The following BRD8 variants were observed in gnomAD, a reference collection of about 807,000 sequenced individuals.
BRD8 encodes bromodomain-containing protein 8.
A neutral mutation model predicts 143.1 loss-of-function variants in BRD8; 67 were observed. The observed-to-expected ratio is 0.47, with a 90% CI of 0.38 to 0.57. The LOEUF is 0.57. BRD8 is among the 20% of genes least tolerant of loss of function. The pLI is 0.00. For missense variants in BRD8, 1,103 were observed against 1,503.0 expected, an observed-to-expected ratio of 0.73 and a Z score of 4.40; for synonymous variants, 505 against 517.1, an observed-to-expected ratio of 0.98 and a Z score of 0.32.
chr5:138,152,062 G>A lies in BRD8; in HGVS notation c.2856+420C>T, dbSNP rs57015166. Among the ~76,000 whole-genome samples the A allele has an allele frequency of 1.4e-3, 213 of 152,028 alleles. 3 individuals are homozygous for A. The East Asian group carries it at 0.037, about 26-fold the overall frequency. On this transcript the variant is annotated intron_variant, in intron 21 of 26. Transcript: ENST00000254900. Reference sequence around the variant, plus strand: ...GTAGAGATGGGGTTTCACCATGTTGGCCAGGCTGGTCTTGAACTCCTGACC... The same window carrying A: ...GTAGAGATGGGGTTTCACCATGTTGACCAGGCTGGTCTTGAACTCCTGACC...
rs778513348 is a variant in BRD8 at position 138,177,671 on chromosome 5, G to C, written c.20-4C>G. 13 of 1,405,924 alleles carry C rather than the reference G, an allele frequency of 9.2e-6. No individual in the cohort carries two copies. The highest frequency in any genetic ancestry group is 9.5e-6 in the Non-Finnish European group (10 of 1,053,986). The allele number at this position is 1,405,924 out of a possible 1,614,324, so 87.1% of individuals were successfully genotyped here. ...CCAGTGCTTAGCAGCTTGTGTTCTG[G>C]GAAAGGGAGAAAAAAAAAAAAGCCT... is the stretch of plus-strand genomic sequence containing the variant. On this transcript the variant is annotated splice_polypyrimidine_tract_variant and splice_region_variant and intron_variant, in intron 1 of 26. Transcript: ENST00000254900.
chr5:138,145,382 C>G, intron 24 of BRD8, 137 bp from the exon 25 acceptor site: 1 of 675,308 alleles, frequency 1.5e-6, no homozygotes, highest in Non-Finnish European at 2.5e-6. Context: ...TCTATTTGTT[C>G]CCTCTTGCCA....
At chr5:138,162,231 AC>A in intron 15 of BRD8, 85 bp from the exon 16 acceptor site, 1 of 1,087,800 alleles carries the variant, frequency 9.2e-7, no homozygotes, top group East Asian at 2.5e-5. Flanking sequence ...ACAGGGTCTC[AC>A]TCTGTCCCCC....
chr5:138,174,491 G>C lies in BRD8; in HGVS notation c.117-2357C>G, dbSNP rs1581462979. Among the ~76,000 whole-genome samples the C allele has an allele frequency of 2.6e-5, 4 of 151,968 alleles. 1 individual carries two copies. In the South Asian group the frequency reaches 6.2e-4, roughly 24 times the overall value. The stretch of plus-strand genomic sequence containing the variant: ...AAGGCCTGTAGTCCCAGCTACACGG[G>C]AGGCTGAGGTGGGAGAATCACTTGA... On this transcript the variant is annotated intron_variant, in intron 2 of 26. Coordinates refer to ENST00000254900, the MANE Select transcript of BRD8 (RefSeq NM_139199.2).
In BRD8 at chr5:138,168,559, T is replaced by A. The variant is rs763647795; in HGVS notation, c.643-481A>T. 3.1e-6 allele frequency: 5 copies of A among 1,609,892 alleles called. No individual in the cohort carries two copies. The South Asian group carries it at 5.5e-5, about 18-fold the overall frequency. On this transcript the variant is annotated intron_variant, in intron 8 of 26. Transcript: ENST00000254900. ...GGTGGAGTTGCTTTCTGTCCAAGCATCTTTTTCTGGGGTGAATCATCTGTT... is the reference window on the plus strand; with the variant it reads ...GGTGGAGTTGCTTTCTGTCCAAGCAACTTTTTCTGGGGTGAATCATCTGTT...
chr5:138,152,444 A>T lies in BRD8; in HGVS notation c.2856+38T>A, dbSNP rs111670295. 2.5e-6 allele frequency: 4 copies of T among 1,605,548 alleles called. No homozygotes were observed. The African/African-American group carries it at 5.4e-5, about 22-fold the overall frequency. Reference sequence around the variant, plus strand: ...GGATAAGCATTCTCTTAGAAAGTTGAGGCTTTTCCAGCTTTGGAAATAAGA... The same window carrying T: ...GGATAAGCATTCTCTTAGAAAGTTGTGGCTTTTCCAGCTTTGGAAATAAGA... On this transcript the variant is annotated intron_variant, in intron 21 of 26. Transcript: ENST00000254900.
At chr5:138,168,490 G>A (rs1753618009) in intron 8 of BRD8, 1 of 1,605,216 alleles carries the variant, frequency 6.2e-7, no homozygotes, top group Non-Finnish European at 8.5e-7. Flanking sequence ...CTAGTAGGCA[G>A]GAGGCTGCCC....
chr5:138,159,811 C>T (rs972055953), intron 19 of BRD8, among the ~76,000 whole-genome samples: 4 of 152,228 alleles, frequency 2.6e-5, no homozygotes, highest in African/African-American at 9.7e-5. Flanking sequence ...AAGCCATTTC[C>T]CCCGCCTTGA....
intron 25 of BRD8, 65 bp from the exon 26 acceptor site, chr5:138,140,947 A>G (rs1751879846): frequency 6.5e-7 from 1 of 1,538,374 alleles, no homozygotes; most frequent in Non-Finnish European, 8.9e-7. Context: ...ATAACCTAAC[A>G]CGTTCTCTTG....
At position 138,150,811 on chromosome 5, in the gene BRD8, C is replaced by T. The variant is rs144319643; in HGVS notation, c.3054G>A (p.Lys1018=). Residue 1018 remains lysine (K), a synonymous_variant, in exon 22 of 27, where the codon AAG becomes AAA. Transcript: ENST00000254900. ...CTGAGGGAGCTGAAGCCACCTCTGGCTTTCCATTTTCTCCCAGTGGCTTTT... is the reference window on the plus strand; with the variant it reads ...CTGAGGGAGCTGAAGCCACCTCTGGTTTTCCATTTTCTCCCAGTGGCTTTT... The part of the protein sequence containing the change: ...VAEKPLGENG[K]PEVASAPSVI... 1 of 1,614,110 alleles carries T rather than the reference C, an allele frequency of 6.2e-7. No homozygotes were observed. The highest frequency in any genetic ancestry group is 1.3e-5 in the African/African-American group (1 of 74,938).
chr5:138,162,931 G>A (rs1252586737), intron 15 of BRD8, among the ~76,000 whole-genome samples, 199 bp downstream of exon 15: 1 of 151,994 alleles, frequency 6.6e-6, no homozygotes, highest in Non-Finnish European at 1.5e-5. Flanking sequence ...GGCCTGAGAA[G>A]TGGAGGTTGC....
At position 138,166,506 on chromosome 5, in the gene BRD8, T is replaced by A. The variant is rs1324382941; in HGVS notation, c.997+12A>T. 6.3e-7 allele frequency: 1 copy of A among 1,578,106 alleles called. No individual in the cohort carries two copies. The highest frequency in any genetic ancestry group is 1.4e-5 in the African/African-American group (1 of 73,552). On this transcript the variant is annotated intron_variant, in intron 10 of 26. Coordinates refer to ENST00000254900, the MANE Select transcript of BRD8 (RefSeq NM_139199.2). Reference sequence around the variant, plus strand: ...ATGAAATTTTAGATCTAGTGGCTGCTCAGGGACGCACCTGGAGCTACACTT... The same window carrying A: ...ATGAAATTTTAGATCTAGTGGCTGCACAGGGACGCACCTGGAGCTACACTT...
At position 138,164,355 on chromosome 5, in the gene BRD8, A is replaced by G. The variant is rs2151202147; in HGVS notation, c.1790T>C (p.Leu597Ser). 3 of 1,614,100 alleles carry G rather than the reference A, an allele frequency of 1.9e-6. No homozygotes were observed. Among genetic ancestry groups the G allele is most frequent in the Non-Finnish European group, 2.5e-6 (3 of 1,179,980 alleles). Reference sequence around the variant, plus strand: ...AAACTTGTGCTGAGTCTCTGCCTCTAAAGGATCTTCAATGGGATTTGAGCC... The same window carrying G: ...AAACTTGTGCTGAGTCTCTGCCTCTGAAGGATCTTCAATGGGATTTGAGCC... ...SHGSNPIEDP[L>S]EAETQHKFEM... The change falls in exon 13 of 27, where the codon TTA becomes TCA. Residue 597 changes from leucine (L) to serine (S), a missense_variant. By Grantham distance (145) the Leu-to-Ser change is moderately radical. Transcript: ENST00000254900.
chr5:138,157,839 T>C (rs17171767), intron 20 of BRD8: 52,217 of 152,510 alleles, frequency 0.34, 9,156 homozygotes, highest in South Asian at 0.43. Context: ...TAAAAGATCC[T>C]ATTAACCAGC....
At chr5:138,166,834 T>C (rs188559108) in intron 9 of BRD8, 107 bp from the exon 10 acceptor site, 146 of 712,480 alleles carry the variant, frequency 2.0e-4, no homozygotes, top group Admixed American at 8.8e-4. Context: ...TCTCAAAGGA[T>C]GAGAGCAACT....
intron 2 of BRD8, among the ~76,000 whole-genome samples, chr5:138,175,695 A>AT (rs1554103906): frequency 1.9e-4 from 17 of 90,554 alleles, no homozygotes; most frequent in Non-Finnish European, 2.5e-4. Context: ...AAATATTTAA[A>AT]TTAAAAAAAA....
intron 3 of BRD8, 116 bp downstream of exon 3, chr5:138,171,949 C>T: frequency 7.5e-6 from 6 of 804,006 alleles, no homozygotes; most frequent in Non-Finnish European, 1.3e-5. Context: ...AAGGTATTCT[C>T]AACTATTTTC....
At chr5:138,157,349 G>A in intron 20 of BRD8, 1 of 1,566,670 alleles carries the variant, frequency 6.4e-7, no homozygotes, top group East Asian at 2.2e-5. Flanking sequence ...TGGGGATTTG[G>A]TTTCTTGGGG....
Position 138,164,203 on chromosome 5 carries a change from C to T in BRD8, c.1826-70G>A, listed in dbSNP as rs1020679870. On this transcript the variant is annotated intron_variant, in intron 13 of 26. Coordinates refer to ENST00000254900, the MANE Select transcript of BRD8 (RefSeq NM_139199.2). The stretch of plus-strand genomic sequence containing the variant: ...CTTCCCCTTCCTATGGACCATAATC[C>T]CCTGCAGCTCTCCTTTACATGCTGA... 2.1e-5 allele frequency: 33 copies of T among 1,584,080 alleles called. No individual in the cohort carries two copies. In the African/African-American group the frequency reaches 4.3e-4, roughly 21 times the overall value.
Sources: gnomAD v4.1 joint callset for allele counts (sites outside exome capture counted in the v4.1 genomes callset) on GRCh38, gnomAD v4.1.1 for gene constraint, MANE v1.5 for transcripts, NCBI Gene and HGNC (gene_info 2026-07-23, HGNC 2026-07-21) for gene names.